Variants in CRYBB2 observed in about 807,000 individuals in gnomAD.
The protein encoded by CRYBB2 is beta-crystallin B2.
Under a neutral mutation model 24.3 loss-of-function variants are expected in CRYBB2, and 12 were observed. The observed-to-expected ratio is 0.49, with a 90% CI of 0.32 to 0.80. The LOEUF is 0.80. Ranked by LOEUF, CRYBB2 falls within the 30% of genes least tolerant of loss-of-function variation. The pLI is 0.04. For synonymous variants in CRYBB2, 98 were observed against 101.6 expected, an observed-to-expected ratio of 0.96 and a Z score of 0.21; for missense variants, 198 against 268.5, an observed-to-expected ratio of 0.74 and a Z score of 1.83.
chr22:25,218,372 A>T (rs576622258), upstream of CRYBB2, among the ~76,000 whole-genome samples: 5 of 151,610 alleles, frequency 3.3e-5, 1 homozygote, highest in Admixed American at 1.3e-4. Context: ...TGGTTAAGAA[A>T]CAGGCCGGGT....
At chr22:25,228,328 G>C (rs1935459470) in intron 4 of CRYBB2, among the ~76,000 whole-genome samples, 1 of 147,408 alleles carries the variant, frequency 6.8e-6, no homozygotes, top group Admixed American at 6.8e-5. Context: ...TCTATTTTAG[G>C]TGGTTGGTGC....
At chr22:25,222,790 A>G (rs1935343487) in intron 2 of CRYBB2, among the ~76,000 whole-genome samples, 2 of 152,370 alleles carry the variant, frequency 1.3e-5, no homozygotes, top group South Asian at 4.1e-4. Context: ...ATTAATTTTC[A>G]TATTACATTT....
intron 3 of CRYBB2, 39 bp downstream of exon 3, chr22:25,225,075 G>A: frequency 1.8e-6 from 2 of 1,106,014 alleles, no homozygotes; most frequent in Non-Finnish European, 2.8e-6. Context: ...AGGGACTTTG[G>A]GTGAGGTGAT....
intron 2 of CRYBB2, 112 bp from the exon 3 acceptor site, chr22:25,224,806 A>C (rs1400511179): frequency 2.6e-6 from 2 of 779,066 alleles, no homozygotes; most frequent in Non-Finnish European, 4.8e-6. Flanking sequence ...GTCACTCTGG[A>C]GGTGAACCCT....
upstream of CRYBB2, among the ~76,000 whole-genome samples, chr22:25,217,718 T>A (rs1935193692): frequency 6.6e-6 from 1 of 152,224 alleles, no homozygotes; most frequent in African/African-American, 2.4e-5. Flanking sequence ...TTGTGGTGCT[T>A]ATCTTCTCAT....
intron 3 of CRYBB2, among the ~76,000 whole-genome samples, chr22:25,225,666 C>T (rs1935400411): frequency 6.6e-6 from 1 of 152,204 alleles, no homozygotes. Context: ...TCTCGTCACT[C>T]CTTCTCTGTA....
intron 1 of CRYBB2, 128 bp from the exon 2 acceptor site, chr22:25,221,276 C>T (rs1935314956): frequency 4.3e-6 from 3 of 702,084 alleles, no homozygotes; most frequent in Middle Eastern, 2.5e-4. Context: ...CCCCACAGCT[C>T]TGGGACAGTC....
chr22:25,231,728 G>A lies in CRYBB2; in HGVS notation c.574G>A (p.Asp192Asn), dbSNP rs772533013. 1.2e-5 allele frequency: 19 copies of A among 1,613,996 alleles called. No individual in the cohort carries two copies. The highest frequency in any genetic ancestry group is 1.4e-5 in the Non-Finnish European group (17 of 1,180,034). ...GGTGCAGTCCGTGCGCCGTATCCGCGACATGCAGTGGCACCAACGTGGTGC... is the reference window on the plus strand; with the variant it reads ...GGTGCAGTCCGTGCGCCGTATCCGCAACATGCAGTGGCACCAACGTGGTGC... ...PQVQSVRRIR[D>N]MQWHQRGAFH... The change falls in exon 6 of 6, where the codon GAC (aspartate) becomes AAC (asparagine). Residue 192 changes from aspartate (D) to asparagine (N), a missense_variant. Coordinates refer to ENST00000398215, the MANE Select transcript of CRYBB2 (RefSeq NM_000496.3).
chr22:25,225,318 G>A (rs965703242), intron 3 of CRYBB2, among the ~76,000 whole-genome samples: 2 of 152,186 alleles, frequency 1.3e-5, no homozygotes, highest in Non-Finnish European at 2.9e-5. Context: ...GGGGATGAAG[G>A]GAGAGGGTCA....
At chr22:25,214,762 G>A (rs2146081068), upstream of CRYBB2, among the ~76,000 whole-genome samples, 1 of 152,332 alleles carries the variant, frequency 6.6e-6, no homozygotes, top group Middle Eastern at 3.4e-3. Flanking sequence ...GGAAACTGAG[G>A]TAAGAGAAGA....
At chr22:25,216,304 G>C (rs547829330), upstream of CRYBB2, among the ~76,000 whole-genome samples, 19 of 152,250 alleles carry the variant, frequency 1.2e-4, no homozygotes, top group South Asian at 3.9e-3. Context: ...AAGTCATCAG[G>C]GTGAAGTTGC....
upstream of CRYBB2, among the ~76,000 whole-genome samples, chr22:25,218,751 G>A (rs1601416119): frequency 3.3e-5 from 1 of 30,364 alleles, no homozygotes; most frequent in Non-Finnish European, 5.9e-5. Context: ...GAGAGAGAGA[G>A]AGAGAGAGAG....
chr22:25,222,995 C>T (rs1346280618), intron 2 of CRYBB2, among the ~76,000 whole-genome samples: 1 of 152,138 alleles, frequency 6.6e-6, no homozygotes, highest in Admixed American at 6.5e-5. Flanking sequence ...CTAATGGCTG[C>T]TGTGTGGGAC....
At chr22:25,211,798 C>T (rs995475640), upstream of CRYBB2, among the ~76,000 whole-genome samples, 4 of 152,164 alleles carry the variant, frequency 2.6e-5, no homozygotes, top group African/African-American at 7.2e-5. Flanking sequence ...TGAGGTTTAG[C>T]GCCAAGAGAT....
chr22:25,226,338 G>A (rs1368077903), intron 3 of CRYBB2, among the ~76,000 whole-genome samples: 1 of 152,160 alleles, frequency 6.6e-6, no homozygotes, highest in Admixed American at 6.5e-5. Flanking sequence ...AAAGTAGTTT[G>A]AGGAAAATTA....
chr22:25,226,315 G>A (rs534611787), intron 3 of CRYBB2, among the ~76,000 whole-genome samples: 8 of 152,102 alleles, frequency 5.3e-5, no homozygotes, highest in Non-Finnish European at 7.4e-5. Flanking sequence ...AGCATTTTAT[G>A]TTGGTGTTTT....
At chr22:25,215,592 C>T (rs554178189), upstream of CRYBB2, among the ~76,000 whole-genome samples, 1 of 152,274 alleles carries the variant, frequency 6.6e-6, no homozygotes, top group South Asian at 2.1e-4. Flanking sequence ...CCTGACCGAG[C>T]TGGTCTTGGC....
chr22:25,229,065 ATGTGTGCG>A (rs1379735851), intron 4 of CRYBB2, among the ~76,000 whole-genome samples: 9 of 134,662 alleles, frequency 6.7e-5, no homozygotes, highest in African/African-American at 2.6e-4. Context: ...GCGTGTGTGC[ATGTGTGCG>A]TGTGCACACA....
At chr22:25,215,813 A>G (rs1935161864), upstream of CRYBB2, among the ~76,000 whole-genome samples, 1 of 152,210 alleles carries the variant, frequency 6.6e-6, no homozygotes, top group Non-Finnish European at 1.5e-5. Context: ...TAGCTTCCTT[A>G]TCTGTATTAG....
Sources: allele counts gnomAD v4.1 joint callset (sites outside exome capture counted in the v4.1 genomes callset), GRCh38; gene constraint gnomAD v4.1.1; transcripts MANE v1.5; gene names NCBI Gene and HGNC (gene_info 2026-07-23, HGNC 2026-07-21).